The following GTF3C2 variants were observed in gnomAD, a reference collection of about 807,000 sequenced individuals.
GTF3C2 encodes general transcription factor 3C polypeptide 2.
GTF3C2 carries 17 observed loss-of-function variants against 117.4 expected under a neutral mutation model. The observed-to-expected ratio is 0.14, with a 90% CI of 0.10 to 0.22. The LOEUF is 0.22. Among genes scored for constraint, GTF3C2 ranks in the 10% least tolerant of loss-of-function variants. The probability of loss-of-function intolerance (pLI) is 1.00; values close to 1 mark genes in which losing one functional copy is unlikely to be tolerated. For synonymous variants in GTF3C2, 437 were observed against 427.0 expected (o/e 1.02, Z -0.29); for missense variants, 888 against 1,143.6 (o/e 0.78, Z 3.22).
chr2:27,343,410 CG>C lies in GTF3C2; in HGVS notation c.144del (p.Val49Ter). On this transcript the variant is annotated frameshift_variant, in exon 2 of 19. Coordinates refer to ENST00000264720, the Ensembl canonical transcript of GTF3C2. LOFTEE classifies it high-confidence loss of function. Reference sequence around the variant, plus strand: ...AAAGGGGTAGGTAATGACATCTCTACGGAAGCCTCTGCACTGGTCATTTCTG... The same window carrying C: ...AAAGGGGTAGGTAATGACATCTCTACGAAGCCTCTGCACTGGTCATTTCTG... 6.2e-7 allele frequency: 1 copy of C among 1,613,930 alleles called. No homozygotes were observed. Among genetic ancestry groups the C allele is most frequent in the Non-Finnish European group, 8.5e-7 (1 of 1,179,786 alleles).
At chr2:27,333,108 A>G (rs1680335330) in intron 12 of GTF3C2, among the ~76,000 whole-genome samples, 2 of 151,592 alleles carry the variant, frequency 1.3e-5, no homozygotes, top group East Asian at 3.9e-4. Context: ...TTGGCCACCC[A>G]AAGTACTGGA....
At chr2:27,344,046 C>T (rs1403838269) in intron 1 of GTF3C2, among the ~76,000 whole-genome samples, 11 of 145,474 alleles carry the variant, frequency 7.6e-5, no homozygotes, top group South Asian at 2.2e-4. Flanking sequence ...TTTTTAAAGA[C>T]GGAGTTTCAC....
chr2:27,326,700 C>G (rs376505721), exon 19 of GTF3C2: 1 of 1,613,824 alleles, frequency 6.2e-7, no homozygotes, highest in African/African-American at 1.3e-5. Context: ...AAGGCGATGG[C>G]TGGTTGGAGA....
intron 1 of GTF3C2, among the ~76,000 whole-genome samples, chr2:27,350,842 G>A (rs1021551570): frequency 5.9e-5 from 9 of 151,612 alleles, no homozygotes; most frequent in Non-Finnish European, 1.0e-4. Context: ...CCAGCTACTC[G>A]GGAGGCTGAG....
At chr2:27,331,055 C>A (rs1680256807) in intron 12 of GTF3C2, among the ~76,000 whole-genome samples, 1 of 152,136 alleles carries the variant, frequency 6.6e-6, no homozygotes, top group Admixed American at 6.6e-5. Flanking sequence ...ACCTATGAAC[C>A]TTTCTTGAAA....
intron 4 of GTF3C2, 78 bp from the exon 5 acceptor site, chr2:27,338,098 G>A: frequency 1.2e-6 from 1 of 868,334 alleles, no homozygotes. Context: ...CTCTTTCCCA[G>A]TTTTTATCTT....
In GTF3C2 at chr2:27,337,195, T is replaced by C. The variant is rs752227701; in HGVS notation, c.1127+49A>G. 36 of 1,088,770 alleles carry C rather than the reference T, an allele frequency of 3.3e-5. No individual in the cohort carries two copies. The Admixed American group carries it at 7.1e-4, about 21-fold the overall frequency. The allele number at this position is 1,088,770 out of a possible 1,614,324, so 67.4% of individuals were successfully genotyped here. A position where few individuals can be genotyped will look rare whatever the true frequency, so the allele number is the denominator to read the frequency against. ...CATCTCTTTCAACATTCATTTTTCT[T>C]GTTTCTGGCTCCTAGAATCAGAAAA... On this transcript the variant is annotated intron_variant, in intron 7 of 18. Coordinates refer to ENST00000264720, the Ensembl canonical transcript of GTF3C2.
chr2:27,339,180 G>A (rs867768006), intron 4 of GTF3C2, among the ~76,000 whole-genome samples: 4 of 151,800 alleles, frequency 2.6e-5, no homozygotes, highest in Admixed American at 6.6e-5. Context: ...AGGCCGAGGC[G>A]GGCGGATCAC....
intron 1 of GTF3C2, among the ~76,000 whole-genome samples, chr2:27,349,863 C>T (rs999812125): frequency 3.9e-5 from 6 of 151,962 alleles, no homozygotes; most frequent in Admixed American, 3.9e-4. Context: ...TGGCCTTGAA[C>T]TCCTGACCTC....
intron 1 of GTF3C2, chr2:27,350,368 G>T (rs1681087295): frequency 1.0e-6 from 1 of 967,110 alleles, no homozygotes; most frequent in East Asian, 1.1e-4. Flanking sequence ...AGCTCTTCAG[G>T]GGATTCTGAC....
chr2:27,356,110 G>T (rs1418702420), intron 1 of GTF3C2: 1 of 1,289,134 alleles, frequency 7.8e-7, no homozygotes, highest in East Asian at 5.5e-5. Flanking sequence ...CCAACAAAGT[G>T]AGTTGCCTCC....
At position 27,342,731 on chromosome 2, in the gene GTF3C2, C is replaced by G. The variant is rs573898409; in HGVS notation, c.569+95G>C. ...AGAATCCAGACACCACCCCTGCTTA[C>G]CTAATACCTCATCAGTCTTCTCTCT... On this transcript the variant is annotated intron_variant, in intron 3 of 18. Transcript: ENST00000264720. The G allele has an allele frequency of 8.7e-6, 8 of 919,870 alleles. No individual in the cohort carries two copies. The South Asian group carries it at 1.3e-4, about 14-fold the overall frequency. 57.0% of individuals were successfully genotyped at this position (919,870 alleles called of 1,614,324 possible).
intron 3 of GTF3C2, 123 bp downstream of exon 3, chr2:27,342,703 C>T: frequency 2.8e-6 from 2 of 717,290 alleles, no homozygotes; most frequent in Non-Finnish European, 4.8e-6. Context: ...TGCTCAAGTC[C>T]CTAGAATCCA....
At chr2:27,333,610 A>G in intron 12 of GTF3C2, 45 bp downstream of exon 12, 1 of 1,402,168 alleles carries the variant, frequency 7.1e-7, no homozygotes, top group Non-Finnish European at 1.0e-6. Flanking sequence ...TATATAAAAA[A>G]TTTAAAGAGC....
At chr2:27,350,454 C>T (rs970863966) in intron 1 of GTF3C2, 1 of 985,428 alleles carries the variant, frequency 1.0e-6, no homozygotes, top group African/African-American at 1.7e-5. Context: ...TTGGTAGGAA[C>T]AAGTGCTTAT....
intron 1 of GTF3C2, among the ~76,000 whole-genome samples, chr2:27,346,331 T>C (rs1318506942): frequency 3.5e-3 from 5 of 1,426 alleles, no homozygotes; most frequent in Non-Finnish European, 6.8e-3. Flanking sequence ...TTCTGATACC[T>C]TTTTTTTTTT....
At chr2:27,337,988 G>A in exon 5 of GTF3C2, 1 of 1,611,856 alleles carries the variant, frequency 6.2e-7, no homozygotes, top group Non-Finnish European at 8.5e-7. Flanking sequence ...GTAAGCCATT[G>A]GGAGCCATTC....
At chr2:27,348,228 T>C (rs534737079) in intron 1 of GTF3C2, among the ~76,000 whole-genome samples, 40 of 151,142 alleles carry the variant, frequency 2.6e-4, no homozygotes, top group African/African-American at 9.0e-4. Flanking sequence ...GATAGTGCCA[T>C]TGCACTCCAG....
At chr2:27,336,465 T>A in intron 7 of GTF3C2, 40 bp from the exon 8 acceptor site, 1 of 1,248,526 alleles carries the variant, frequency 8.0e-7, no homozygotes, top group South Asian at 1.2e-5. Flanking sequence ...AAGGAATTAA[T>A]GAAAGGTAAT....
Sources: gnomAD v4.1 joint callset for allele counts (sites outside exome capture counted in the v4.1 genomes callset) on GRCh38, gnomAD v4.1.1 for gene constraint, MANE v1.5 for transcripts, NCBI Gene and HGNC (gene_info 2026-07-23, HGNC 2026-07-21) for gene names.